HDAC9: variants seen among roughly 807,000 people sequenced by gnomAD.
HDAC9 encodes histone deacetylase 9.
A neutral mutation model predicts 139.4 loss-of-function variants in HDAC9; 41 were observed. That is an observed-to-expected ratio of 0.29 (90% confidence interval 0.23 to 0.38). HDAC9 has a LOEUF of 0.38. Ranked by LOEUF, HDAC9 falls within the 10% of genes least tolerant of loss-of-function variation. HDAC9 has a pLI of 1.00. For missense variants in HDAC9, 1,147 were observed against 1,297.0 expected (o/e 0.88, Z 1.78); for synonymous variants, 517 against 476.2 (o/e 1.09, Z -1.12).
Position 18,874,725 on chromosome 7 carries a change from G to T in HDAC9, c.2803+129G>T, listed in dbSNP as rs1585200133. 6.4e-6 allele frequency: 4 copies of T among 626,220 alleles called. No individual in the cohort carries two copies. The East Asian group carries it at 1.1e-4, about 17-fold the overall frequency. The allele number at this position is 626,220 out of a possible 1,614,324, so 38.8% of individuals were successfully genotyped here. Reference sequence around the variant, plus strand: ...GAGACATTTGAAAATGATTCAGGTGGTGTTTATTGCTCTGTCGGATTCATG... The same window carrying T: ...GAGACATTTGAAAATGATTCAGGTGTTGTTTATTGCTCTGTCGGATTCATG... On this transcript the variant is annotated intron_variant, in intron 22 of 25. Transcript: ENST00000686413.
At chr7:18,680,408 G>A (rs1180662319) in intron 12 of HDAC9, among the ~76,000 whole-genome samples, 1 of 152,008 alleles carries the variant, frequency 6.6e-6, no homozygotes, top group East Asian at 1.9e-4. Context: ...GTATAGAAAT[G>A]TGTTCTTAAA....
At chr7:18,126,207 C>T (rs898500206) in intron 1 of HDAC9, among the ~76,000 whole-genome samples, 1 of 152,162 alleles carries the variant, frequency 6.6e-6, no homozygotes, top group African/African-American at 2.4e-5. Context: ...TAAAATACTA[C>T]ATTTAGCATT....
At chr7:18,212,282 T>C (rs56069454) in intron 2 of HDAC9, among the ~76,000 whole-genome samples, 54 of 152,328 alleles carry the variant, frequency 3.5e-4, no homozygotes, top group Admixed American at 5.2e-4. Flanking sequence ...TCTAGAATGT[T>C]CTAATATGCT....
At chr7:18,785,180 G>A (rs184154044) in intron 16 of HDAC9, among the ~76,000 whole-genome samples, 3 of 152,178 alleles carry the variant, frequency 2.0e-5, no homozygotes, top group Admixed American at 6.5e-5. Context: ...TACTGGTTCT[G>A]TCACTAACAT....
chr7:18,340,695 T>A (rs976981859), intron 1 of HDAC9, among the ~76,000 whole-genome samples: 1 of 92,608 alleles, frequency 1.1e-5, no homozygotes, highest in Admixed American at 1.4e-4. Context: ...GATTTTACTT[T>A]ATATTAGTTA....
chr7:18,437,517 T>G (rs1379519493), intron 1 of HDAC9, among the ~76,000 whole-genome samples: 1 of 151,020 alleles, frequency 6.6e-6, no homozygotes, highest in Non-Finnish European at 1.5e-5. Flanking sequence ...TGTTGTAACT[T>G]CCAGATAATG....
At chr7:18,330,210 G>C (rs531128650) in intron 1 of HDAC9, among the ~76,000 whole-genome samples, 296 of 151,770 alleles carry the variant, frequency 2.0e-3, no homozygotes, top group African/African-American at 6.9e-3. Flanking sequence ...CAGGGCATCT[G>C]TAATTCTTCA....
chr7:18,607,367 T>A (rs952523102), intron 6 of HDAC9, among the ~76,000 whole-genome samples: 12 of 152,216 alleles, frequency 7.9e-5, no homozygotes, highest in African/African-American at 2.7e-4. Context: ...AAGCTGAGAA[T>A]TCTAGCTTGG....
At chr7:18,845,993 T>C (rs1796879353) in intron 21 of HDAC9, among the ~76,000 whole-genome samples, 2 of 152,132 alleles carry the variant, frequency 1.3e-5, no homozygotes, top group Non-Finnish European at 2.9e-5. Flanking sequence ...AGGGCCGTAG[T>C]GGGCTTCCTG....
At chr7:18,164,142 C>T (rs1787842996) in intron 2 of HDAC9, among the ~76,000 whole-genome samples, 3 of 152,116 alleles carry the variant, frequency 2.0e-5, no homozygotes, top group Non-Finnish European at 4.4e-5. Context: ...CAATCAACTC[C>T]ATTTGGGAAG....
intron 2 of HDAC9, among the ~76,000 whole-genome samples, chr7:18,167,162 T>G (rs1250074459): frequency 6.6e-6 from 1 of 152,084 alleles, no homozygotes; most frequent in Non-Finnish European, 1.5e-5. Flanking sequence ...TGGGAAACAC[T>G]GTATGTTAAA....
chr7:18,355,711 A>G (rs972920609), intron 1 of HDAC9, among the ~76,000 whole-genome samples: 4 of 152,180 alleles, frequency 2.6e-5, no homozygotes, highest in African/African-American at 9.6e-5. Flanking sequence ...ACTTTTCCCC[A>G]GAGTTTGGTT....
chr7:18,930,432 A>G (rs951150170), intron 22 of HDAC9, among the ~76,000 whole-genome samples: 1 of 152,050 alleles, frequency 6.6e-6, no homozygotes, highest in African/African-American at 2.4e-5. Context: ...TAAAATTGTT[A>G]TATATGCTCT....
intron 6 of HDAC9, among the ~76,000 whole-genome samples, chr7:18,610,357 T>C (rs1383084561): frequency 6.6e-6 from 1 of 152,202 alleles, no homozygotes; most frequent in Non-Finnish European, 1.5e-5. Context: ...CAGTCTTGCC[T>C]CTTCTGGGTT....
At chr7:18,838,706 T>C (rs999407317) in intron 21 of HDAC9, among the ~76,000 whole-genome samples, 1 of 152,140 alleles carries the variant, frequency 6.6e-6, no homozygotes, top group Non-Finnish European at 1.5e-5. Flanking sequence ...AAGATCTTTC[T>C]GGCATCTGTG....
At chr7:18,460,373 T>A (rs1793730185) in intron 1 of HDAC9, among the ~76,000 whole-genome samples, 1 of 152,124 alleles carries the variant, frequency 6.6e-6, no homozygotes, top group African/African-American at 2.4e-5. Flanking sequence ...TAAACAATAT[T>A]TTTTTCAATT....
intron 1 of HDAC9, among the ~76,000 whole-genome samples, chr7:18,126,581 C>G (rs1436488398): frequency 6.6e-6 from 1 of 152,174 alleles, no homozygotes; most frequent in Admixed American, 6.5e-5. Context: ...GTAAACACAT[C>G]TATATTGGTG....
At chr7:18,920,488 C>T (rs1005197162) in intron 22 of HDAC9, among the ~76,000 whole-genome samples, 5 of 152,036 alleles carry the variant, frequency 3.3e-5, no homozygotes, top group African/African-American at 9.7e-5. Context: ...CCTTTATTTC[C>T]TTCTCCTGCC....
At chr7:18,490,568 A>G (rs995439907) in intron 1 of HDAC9, among the ~76,000 whole-genome samples, 3 of 152,002 alleles carry the variant, frequency 2.0e-5, no homozygotes, top group African/African-American at 4.8e-5. Flanking sequence ...TTGTTATCTA[A>G]TTAGGCTTTC....
Sources: gnomAD v4.1 joint callset for allele counts (sites outside exome capture counted in the v4.1 genomes callset) on GRCh38, gnomAD v4.1.1 for gene constraint, MANE v1.5 for transcripts, NCBI Gene and HGNC (gene_info 2026-07-23, HGNC 2026-07-21) for gene names.